The following KCNH5 variants were observed in gnomAD, a reference collection of about 807,000 sequenced individuals.
KCNH5 encodes the protein voltage-gated delayed rectifier potassium channel KCNH5.
KCNH5 carries 46 observed loss-of-function variants against 96.1 expected under a neutral mutation model. The observed-to-expected ratio is 0.48, with a 90% CI of 0.38 to 0.61. KCNH5 has a LOEUF of 0.61. Ranked by LOEUF, KCNH5 falls within the 20% of genes least tolerant of loss-of-function variation. The pLI is 0.00. For missense variants in KCNH5, 907 were observed against 1,225.8 expected (o/e 0.74, Z 3.88); for synonymous variants, 439 against 449.8 (o/e 0.98, Z 0.30).
chr14:63,019,928 G>T (rs1891393669), intron 1 of KCNH5, among the ~76,000 whole-genome samples: 1 of 152,028 alleles, frequency 6.6e-6, no homozygotes, highest in Non-Finnish European at 1.5e-5. Flanking sequence ...TTTGATACAG[G>T]TATCTGAGAA....
intron 6 of KCNH5, among the ~76,000 whole-genome samples, chr14:62,964,116 G>A (rs1469347639): frequency 6.6e-6 from 1 of 151,972 alleles, no homozygotes; most frequent in Non-Finnish European, 1.5e-5. Flanking sequence ...CCTATACTTT[G>A]GCTCAGCTCC....
chr14:62,932,485 A>C (rs1466632406), intron 7 of KCNH5, among the ~76,000 whole-genome samples: 1 of 151,578 alleles, frequency 6.6e-6, no homozygotes, highest in African/African-American at 2.4e-5. Flanking sequence ...TAAAAAAAAA[A>C]AAAAAACTAA....
chr14:62,710,791 T>G (rs1884550634), intron 10 of KCNH5, among the ~76,000 whole-genome samples: 1 of 152,120 alleles, frequency 6.6e-6, no homozygotes, highest in Admixed American at 6.5e-5. Context: ...AAAATGCAGG[T>G]CCCCTGTGCA....
chr14:62,976,047 A>G (rs1375009641), intron 6 of KCNH5, among the ~76,000 whole-genome samples: 1 of 151,882 alleles, frequency 6.6e-6, no homozygotes, highest in Non-Finnish European at 1.5e-5. Context: ...CGTGGAAGAA[A>G]TCTCCCAGAA....
At chr14:63,030,957 T>C (rs1891613968) in intron 1 of KCNH5, among the ~76,000 whole-genome samples, 1 of 152,168 alleles carries the variant, frequency 6.6e-6, no homozygotes, top group Non-Finnish European at 1.5e-5. Context: ...TTATTGGCAA[T>C]GCAGAACCTG....
intron 7 of KCNH5, among the ~76,000 whole-genome samples, chr14:62,920,619 G>T (rs1488776412): frequency 6.6e-6 from 1 of 151,828 alleles, no homozygotes; most frequent in Admixed American, 6.6e-5. Flanking sequence ...GTGTTGTTCT[G>T]GGTTCAAAAA....
At chr14:62,914,674 C>T (rs73276452) in intron 7 of KCNH5, among the ~76,000 whole-genome samples, 7,758 of 152,204 alleles carry the variant, frequency 0.051, 638 homozygotes, top group African/African-American at 0.18. Context: ...GAGGACAAAA[C>T]TAGAAGACAC....
At chr14:62,817,100 AATTATATATG>A (rs1389804604) in intron 8 of KCNH5, among the ~76,000 whole-genome samples, 7 of 138,906 alleles carry the variant, frequency 5.0e-5, no homozygotes, top group East Asian at 2.0e-4. Context: ...TATTATATAT[AATTATATATG>A]ACATAATATA....
At chr14:62,851,134 TA>T in intron 7 of KCNH5, among the ~76,000 whole-genome samples, 1 of 152,240 alleles carries the variant, frequency 6.6e-6, no homozygotes, top group South Asian at 2.1e-4. Flanking sequence ...GCTATTATTT[TA>T]AAAAAATGGA....
intron 6 of KCNH5, among the ~76,000 whole-genome samples, chr14:62,980,426 G>A (rs765051803): frequency 6.6e-6 from 1 of 152,192 alleles, no homozygotes; most frequent in Non-Finnish European, 1.5e-5. Flanking sequence ...CAAAAGATCT[G>A]TGAATGAGTA....
At position 62,764,378 on chromosome 14, in the gene KCNH5, TA is replaced by T. The variant is rs574110398; in HGVS notation, c.2019+15349del. 2.1e-4 allele frequency among the ~76,000 whole-genome samples: 32 copies of T among 152,100 alleles called. No homozygotes were observed. In the South Asian group the frequency reaches 3.5e-3, roughly 17 times the overall value. ...GACATTAAAGGAAAATACCCCAAAATAATAAGAGCCACTTATGACAAACCCA... is the reference window on the plus strand; with the variant it reads ...GACATTAAAGGAAAATACCCCAAAATATAAGAGCCACTTATGACAAACCCA... On this transcript the variant is annotated intron_variant, in intron 10 of 10. Transcript: ENST00000322893.
chr14:62,979,386 T>C (rs948313088), intron 6 of KCNH5, among the ~76,000 whole-genome samples: 13 of 152,070 alleles, frequency 8.5e-5, no homozygotes, highest in Admixed American at 6.5e-5. Flanking sequence ...AAGTAATAAT[T>C]ACATACACAA....
chr14:62,911,128 A>G (rs1295960624), intron 7 of KCNH5, among the ~76,000 whole-genome samples: 1 of 152,196 alleles, frequency 6.6e-6, no homozygotes, highest in Admixed American at 6.5e-5. Flanking sequence ...AATAGTATAT[A>G]CTTAAAAATA....
intron 2 of KCNH5, among the ~76,000 whole-genome samples, chr14:63,016,019 C>G (rs918899634): frequency 6.6e-6 from 1 of 151,062 alleles, no homozygotes; most frequent in African/African-American, 2.4e-5. Context: ...TAACATAGCT[C>G]TACCTCAGTT....
intron 7 of KCNH5, among the ~76,000 whole-genome samples, chr14:62,904,007 C>T (rs762296253): frequency 6.6e-6 from 1 of 151,992 alleles, no homozygotes; most frequent in Non-Finnish European, 1.5e-5. Flanking sequence ...ACTAAAACAT[C>T]TTTGGTTCAA....
intron 8 of KCNH5, among the ~76,000 whole-genome samples, chr14:62,843,075 T>C (rs779524116): frequency 6.6e-6 from 1 of 152,132 alleles, no homozygotes; most frequent in East Asian, 1.9e-4. Context: ...AAATGCCAAA[T>C]ACTTCAACTT....
chr14:62,943,545 G>A (rs546659782), intron 7 of KCNH5, among the ~76,000 whole-genome samples: 2 of 152,166 alleles, frequency 1.3e-5, no homozygotes, highest in Non-Finnish European at 2.9e-5. Flanking sequence ...AAATTAGCAA[G>A]GAGATTACTT....
At chr14:62,712,345 G>T in intron 10 of KCNH5, 2 of 325,324 alleles carry the variant, frequency 6.1e-6, no homozygotes, top group Non-Finnish European at 1.1e-5. Flanking sequence ...ATAGCAAAGT[G>T]GTCACTTCCA....
intron 7 of KCNH5, among the ~76,000 whole-genome samples, chr14:62,876,609 A>G (rs77755287): frequency 0.035 from 5,399 of 152,326 alleles, 310 homozygotes; most frequent in African/African-American, 0.12. Context: ...ATCAAGTAGC[A>G]GAAAAATGTA....
Sources: allele counts gnomAD v4.1 joint callset (sites outside exome capture counted in the v4.1 genomes callset), GRCh38; gene constraint gnomAD v4.1.1; transcripts MANE v1.5; gene names NCBI Gene and HGNC (gene_info 2026-07-23, HGNC 2026-07-21).